The following SLIT2 variants were observed in gnomAD, a reference collection of about 807,000 sequenced individuals.
The protein encoded by SLIT2 is slit homolog 2 protein.
In SLIT2, 41 loss-of-function variants were observed where a neutral mutation model predicts 185.7. That is an observed-to-expected ratio of 0.22 (90% CI 0.17 to 0.29). The LOEUF is 0.29. Ranked by LOEUF, SLIT2 falls within the 10% of genes least tolerant of loss-of-function variation. The probability of loss-of-function intolerance (pLI) is 1.00; values close to 1 mark genes in which losing one functional copy is unlikely to be tolerated. For missense variants in SLIT2, 1,571 were observed against 1,909.0 expected, an observed-to-expected ratio of 0.82 and a Z score of 3.30; for synonymous variants, 693 against 680.2, an observed-to-expected ratio of 1.02 and a Z score of -0.29.
chr4:20,301,075 C>T (rs769150545), intron 4 of SLIT2, among the ~76,000 whole-genome samples: 8 of 152,106 alleles, frequency 5.3e-5, no homozygotes, highest in Admixed American at 5.2e-4. Flanking sequence ...AGGCTATGCT[C>T]TCTTGAACAG....
At chr4:20,447,234 A>G (rs567648017) in intron 4 of SLIT2, among the ~76,000 whole-genome samples, 67 of 152,340 alleles carry the variant, frequency 4.4e-4, no homozygotes, top group African/African-American at 1.3e-3. Context: ...ACAACTTTCA[A>G]GCCTAACAGT....
chr4:20,371,868 G>T (rs888702041), intron 4 of SLIT2, among the ~76,000 whole-genome samples: 4 of 151,910 alleles, frequency 2.6e-5, no homozygotes, highest in African/African-American at 9.7e-5. Context: ...TTAATTTGGT[G>T]ATTATCCATT....
At chr4:20,567,490 T>C (rs762558434) in intron 27 of SLIT2, 28 bp from the exon 28 acceptor site, 6 of 1,610,168 alleles carry the variant, frequency 3.7e-6, no homozygotes, top group Non-Finnish European at 5.1e-6. Context: ...ACTACTTCAC[T>C]CGACTATACT....
chr4:20,299,912 A>G (rs974909669), intron 4 of SLIT2, among the ~76,000 whole-genome samples: 2 of 152,064 alleles, frequency 1.3e-5, no homozygotes, highest in Admixed American at 1.3e-4. Context: ...TTATTAATCT[A>G]TTGAGATAAT....
rs893804484 is a variant in SLIT2, at chr4:20,438,597, C to T, written c.396-29155C>T. ...GTGGGGACACAGAGCCAAACCATAT[C>T]AGCCTTCAAGCAGCCTACTGGCTCC... On this transcript the variant is annotated intron_variant, in intron 4 of 36. Transcript: ENST00000504154. 2.0e-5 allele frequency among the ~76,000 whole-genome samples: 3 copies of T among 152,156 alleles called. No homozygotes were observed. The East Asian group carries it at 5.8e-4, about 29-fold the overall frequency.
chr4:20,411,076 A>G (rs1727220297), intron 4 of SLIT2, among the ~76,000 whole-genome samples: 1 of 152,002 alleles, frequency 6.6e-6, no homozygotes, highest in Admixed American at 6.6e-5. Context: ...TGTTTGTTTC[A>G]TCTCTGATTT....
At chr4:20,556,752 A>AG (rs11399571) in intron 26 of SLIT2, among the ~76,000 whole-genome samples, 58,899 of 151,802 alleles carry the variant, frequency 0.39, 12,674 homozygotes, top group East Asian at 0.82. Flanking sequence ...AACAACAAAA[A>AG]TGTAGCAAGG....
At chr4:20,304,951 G>T (rs1717399682) in intron 4 of SLIT2, among the ~76,000 whole-genome samples, 1 of 152,194 alleles carries the variant, frequency 6.6e-6, no homozygotes, top group Non-Finnish European at 1.5e-5. Flanking sequence ...TTACTTGGTG[G>T]ATTGTGATAC....
intron 3 of SLIT2, among the ~76,000 whole-genome samples, chr4:20,263,832 A>T (rs939890589): frequency 6.6e-6 from 1 of 151,886 alleles, no homozygotes; most frequent in Non-Finnish European, 1.5e-5. Flanking sequence ...GCATTTCAAC[A>T]TACCTCTCAT....
intron 5 of SLIT2, among the ~76,000 whole-genome samples, chr4:20,474,632 G>T (rs1024547826): frequency 6.6e-6 from 1 of 152,030 alleles, no homozygotes; most frequent in Non-Finnish European, 1.5e-5. Flanking sequence ...TGCCATGGCT[G>T]CTGTGTCTTC....
In SLIT2 at chr4:20,539,417, A is replaced by C. The variant is rs113449191; in HGVS notation, c.1833-24A>C. 2.4e-5 allele frequency: 39 copies of C among 1,606,002 alleles called. No homozygotes were observed. In the African/African-American group the frequency reaches 2.9e-4, roughly 12 times the overall value. On this transcript the variant is annotated intron_variant, in intron 18 of 36. Coordinates refer to ENST00000504154, the MANE Select transcript of SLIT2 (RefSeq NM_004787.4). ...GATTGCCTGATGCTTTGTCTCCATA[A>C]CAATGTCCTTTTTTTCCCCTCAGGA...
At chr4:20,321,739 C>T (rs1719106033) in intron 4 of SLIT2, among the ~76,000 whole-genome samples, 1 of 152,184 alleles carries the variant, frequency 6.6e-6, no homozygotes, top group Non-Finnish European at 1.5e-5. Context: ...GCCTCATGCC[C>T]AGATTTTTTC....
chr4:20,362,476 T>TG (rs1226179292), intron 4 of SLIT2, among the ~76,000 whole-genome samples: 2 of 152,100 alleles, frequency 1.3e-5, no homozygotes, highest in Non-Finnish European at 2.9e-5. Flanking sequence ...AGCAGCTTTA[T>TG]GAATTGTTAC....
At chr4:20,450,852 T>G (rs764064818) in intron 4 of SLIT2, among the ~76,000 whole-genome samples, 12 of 152,208 alleles carry the variant, frequency 7.9e-5, no homozygotes, top group Non-Finnish European at 1.8e-4. Context: ...TACTTTACAG[T>G]TAAGATCTAG....
intron 4 of SLIT2, among the ~76,000 whole-genome samples, chr4:20,440,425 T>C (rs1395854151): frequency 6.6e-6 from 1 of 152,208 alleles, no homozygotes; most frequent in Non-Finnish European, 1.5e-5. Context: ...TATGCTTATG[T>C]TGCAGACTTT....
intron 4 of SLIT2, among the ~76,000 whole-genome samples, chr4:20,452,178 C>G (rs1455406888): frequency 6.6e-6 from 1 of 152,158 alleles, no homozygotes; most frequent in Non-Finnish European, 1.5e-5. Context: ...ATTCAAACTC[C>G]AAGCATCTTT....
At chr4:20,301,762 CCT>C (rs1717066924) in intron 4 of SLIT2, among the ~76,000 whole-genome samples, 1 of 152,020 alleles carries the variant, frequency 6.6e-6, no homozygotes, top group African/African-American at 2.4e-5. Context: ...TTAGAATAAT[CCT>C]CTCTCTCCTG....
chr4:20,377,599 G>A lies in SLIT2; in HGVS notation c.396-90153G>A, dbSNP rs189331436. ...GGCAGTCCCATCATAAACTTACTCA[G>A]CCCCTCTGGGCTTCTATATCCTCCC... On this transcript the variant is annotated intron_variant, in intron 4 of 36. Coordinates refer to ENST00000504154, the MANE Select transcript of SLIT2 (RefSeq NM_004787.4). Among the ~76,000 whole-genome samples, 8 of 152,174 alleles carry A rather than the reference G, an allele frequency of 5.3e-5. No homozygotes were observed. The East Asian group carries it at 1.4e-3, about 26-fold the overall frequency.
chr4:20,376,115 CTTTTTTTTTTT>C (rs71653881), intron 4 of SLIT2, among the ~76,000 whole-genome samples: 39 of 79,666 alleles, frequency 4.9e-4, no homozygotes, highest in African/African-American at 2.0e-3. Context: ...CATTGTTTAA[CTTTTTTTTTTT>C]TTTTTTTTTT....
Sources: allele counts gnomAD v4.1 joint callset (sites outside exome capture counted in the v4.1 genomes callset), GRCh38; gene constraint gnomAD v4.1.1; transcripts MANE v1.5; gene names NCBI Gene and HGNC (gene_info 2026-07-23, HGNC 2026-07-21).